Variants in RAB38 observed in about 807,000 individuals in gnomAD.
The protein encoded by RAB38 is ras-related protein Rab-38.
Under a neutral mutation model 18.4 loss-of-function variants are expected in RAB38, and 15 were observed. That is an observed-to-expected ratio of 0.82 (90% CI 0.55 to 1.26). RAB38 has a LOEUF of 1.26. Among genes scored for constraint, RAB38 ranks in the 50% most tolerant of loss-of-function variants. The pLI is 0.00. For missense variants in RAB38, 294 were observed against 267.4 expected, an observed-to-expected ratio of 1.10 and a Z score of -0.69; for synonymous variants, 101 against 104.4, an observed-to-expected ratio of 0.97 and a Z score of 0.20.
At chr11:87,973,132 A>G in the RAB38 span, among the ~76,000 whole-genome samples, 1 of 151,988 alleles carries the variant, frequency 6.6e-6, no homozygotes, top group South Asian at 2.1e-4. Context: ...ACCCAGTCTC[A>G]GGTATTTCTT....
At chr11:87,957,745 C>G in the RAB38 span, among the ~76,000 whole-genome samples, 3 of 151,960 alleles carry the variant, frequency 2.0e-5, no homozygotes, top group Non-Finnish European at 4.4e-5. Context: ...CTTCTATAAT[C>G]TGAGGTGGGG....
chr11:87,921,832 C>T, the RAB38 span, among the ~76,000 whole-genome samples: 235 of 151,500 alleles, frequency 1.6e-3, 1 homozygote, highest in African/African-American at 5.1e-3. Flanking sequence ...TTCAACAAAA[C>T]TGTAAGTCCC....
At chr11:87,881,591 C>G in the RAB38 span, among the ~76,000 whole-genome samples, 1 of 151,846 alleles carries the variant, frequency 6.6e-6, no homozygotes, top group African/African-American at 2.4e-5. Context: ...CCACACTACA[C>G]TAGTCTGTGA....
chr11:88,159,252 C>T (rs1438110185), intron 1 of RAB38, among the ~76,000 whole-genome samples: 1 of 142,328 alleles, frequency 7.0e-6, no homozygotes, highest in African/African-American at 2.6e-5. Context: ...AAATAAAATA[C>T]CTAGGAATAC....
the RAB38 span, among the ~76,000 whole-genome samples, chr11:87,827,283 TA>T: frequency 2.2e-4 from 33 of 152,088 alleles, no homozygotes; most frequent in East Asian, 5.6e-3. Context: ...TTTTTATTTT[TA>T]TTTTTATTAT....
the RAB38 span, among the ~76,000 whole-genome samples, chr11:87,958,111 C>T: frequency 6.6e-6 from 1 of 151,514 alleles, no homozygotes; most frequent in African/African-American, 2.4e-5. Context: ...ATATACTGTA[C>T]TCTACTCTTT....
At chr11:87,944,298 C>T in the RAB38 span, among the ~76,000 whole-genome samples, 1 of 152,136 alleles carries the variant, frequency 6.6e-6, no homozygotes, top group Non-Finnish European at 1.5e-5. Flanking sequence ...AAAGCATTAT[C>T]TGCAAAGCCC....
At chr11:87,828,625 T>C in the RAB38 span, among the ~76,000 whole-genome samples, 2 of 152,206 alleles carry the variant, frequency 1.3e-5, no homozygotes, top group South Asian at 4.1e-4. Context: ...GGGCAAGTGC[T>C]GGACAGTGAC....
At chr11:88,049,069 C>A in the RAB38 span, among the ~76,000 whole-genome samples, 11 of 152,166 alleles carry the variant, frequency 7.2e-5, no homozygotes, top group Non-Finnish European at 1.0e-4. Flanking sequence ...TCAGCTTAAT[C>A]TCTCCCACTC....
chr11:87,845,539 C>T, the RAB38 span, among the ~76,000 whole-genome samples: 30 of 151,790 alleles, frequency 2.0e-4, no homozygotes, highest in East Asian at 4.7e-3. Context: ...GCCTCTGGTA[C>T]GTAGGGGATG....
chr11:87,968,421 T>C, the RAB38 span, among the ~76,000 whole-genome samples: 1 of 152,150 alleles, frequency 6.6e-6, no homozygotes, highest in African/African-American at 2.4e-5. Context: ...TGTGACTAAA[T>C]TGTGGTCAAA....
the RAB38 span, among the ~76,000 whole-genome samples, chr11:88,084,089 G>A: frequency 7.2e-5 from 11 of 151,914 alleles, no homozygotes; most frequent in East Asian, 1.8e-3. Flanking sequence ...AGTGACTATC[G>A]AAGAGGAAGG....
At chr11:87,942,838 T>A in the RAB38 span, among the ~76,000 whole-genome samples, 1 of 152,188 alleles carries the variant, frequency 6.6e-6, no homozygotes, top group African/African-American at 2.4e-5. Flanking sequence ...GATTCTGTCA[T>A]AATCATTCTC....
At chr11:87,913,933 G>T in the RAB38 span, among the ~76,000 whole-genome samples, 1 of 151,930 alleles carries the variant, frequency 6.6e-6, no homozygotes, top group Non-Finnish European at 1.5e-5. Flanking sequence ...CTCCATAACT[G>T]TAAGAAATAT....
the RAB38 span, among the ~76,000 whole-genome samples, chr11:88,018,797 T>A: frequency 6.6e-6 from 1 of 152,192 alleles, no homozygotes; most frequent in Non-Finnish European, 1.5e-5. Context: ...TGTTACATCT[T>A]TAGAATTTGT....
At chr11:87,904,111 G>T in the RAB38 span, among the ~76,000 whole-genome samples, 3 of 151,280 alleles carry the variant, frequency 2.0e-5, no homozygotes, top group Admixed American at 1.3e-4. Flanking sequence ...TTCAACTTTG[G>T]TTTTATATTC....
At chr11:87,965,120 A>T in the RAB38 span, among the ~76,000 whole-genome samples, 3 of 152,140 alleles carry the variant, frequency 2.0e-5, no homozygotes, top group East Asian at 1.9e-4. Flanking sequence ...GTAACCAAAA[A>T]TGTCTCCAGA....
the RAB38 span, among the ~76,000 whole-genome samples, chr11:87,846,438 T>C: frequency 6.6e-6 from 1 of 152,108 alleles, no homozygotes. Flanking sequence ...ATAAGAAGGC[T>C]ATTAGTGGCT....
chr11:88,053,589 CA>C, the RAB38 span, among the ~76,000 whole-genome samples: 2 of 151,276 alleles, frequency 1.3e-5, no homozygotes, highest in Non-Finnish European at 1.5e-5. Context: ...GAGAAAGATG[CA>C]TTTATAAAAA....
Sources: gnomAD v4.1 joint callset for allele counts (sites outside exome capture counted in the v4.1 genomes callset) on GRCh38, gnomAD v4.1.1 for gene constraint, MANE v1.5 for transcripts, NCBI Gene and HGNC (gene_info 2026-07-23, HGNC 2026-07-21) for gene names.